The following XDH variants were observed in gnomAD, a reference collection of about 807,000 sequenced individuals.
XDH encodes xanthine dehydrogenase.
A neutral mutation model predicts 156.1 loss-of-function variants in XDH; 138 were observed. The ratio of observed to expected loss-of-function variants is 0.88; its 90% CI spans 0.77 to 1.02. The LOEUF (loss-of-function observed/expected upper bound fraction) is 1.02. XDH is among the 50% of genes least tolerant of loss of function. The probability of loss-of-function intolerance (pLI) is 0.00; values close to 1 mark genes in which losing one functional copy is unlikely to be tolerated. For synonymous variants in XDH, 669 were observed against 625.7 expected (o/e 1.07, Z -1.03); for missense variants, 1,849 against 1,684.9 (o/e 1.10, Z -1.71).
chr2:31,388,152 A>T, intron 7 of XDH, 75 bp downstream of exon 7: 1 of 1,525,294 alleles, frequency 6.6e-7, no homozygotes, highest in Non-Finnish European at 9.1e-7. Context: ...ACCGCCAGGG[A>T]CATGGAGCTC....
chr2:31,338,535 T>C (rs1302239795), intron 34 of XDH, among the ~76,000 whole-genome samples: 1 of 152,124 alleles, frequency 6.6e-6, no homozygotes, highest in Non-Finnish European at 1.5e-5. Context: ...CCACCCACTA[T>C]GGTAAAGTAA....
At chr2:31,404,649 C>G (rs1572570931) in intron 2 of XDH, among the ~76,000 whole-genome samples, 1 of 152,198 alleles carries the variant, frequency 6.6e-6, no homozygotes, top group South Asian at 2.1e-4. Flanking sequence ...TCAATAATCT[C>G]TGAGAATGAG....
Position 31,366,073 on chromosome 2 carries a change from G to A in XDH, c.2359C>T (p.Arg787Trp), listed in dbSNP as rs148904866. ...ATTCTCTTCACTCGAACCACAATCC[G>A]GTTTGCTGGAACCCCCAACATTTTT... ...VAKMLGVPAN[R>W]IVVRVKRMGG... Residue 787 changes from arginine (R) to tryptophan (W), a missense_variant, in exon 22 of 36, where the codon CGG (arginine) becomes TGG (tryptophan). Arg to Trp is a moderately radical substitution (Grantham distance 101). Transcript: ENST00000379416. 5.5e-5 allele frequency: 88 copies of A among 1,614,118 alleles called. 1 individual carries two copies. Among genetic ancestry groups the A allele is most frequent in the East Asian group, 4.0e-4 (18 of 44,868 alleles).
Position 31,401,234 on chromosome 2 carries a change from GCCT to G in XDH, c.289_291del (p.Arg97del). 2 of 1,614,200 alleles carry G rather than the reference GCCT, an allele frequency of 1.2e-6. No individual in the cohort carries two copies. The highest frequency in any genetic ancestry group is 2.2e-5 in the South Asian group (2 of 91,076). On this transcript the variant is annotated inframe_deletion, in exon 4 of 36. Coordinates refer to ENST00000379416, the MANE Select transcript of XDH (RefSeq NM_000379.4). ...CCTCTGTTTACCTGCACAGGATGCA[GCCT>G]CGTCTTGGTGCTTCCTATTCCTTCC...
chr2:31,347,424 G>A (rs1323168515), intron 29 of XDH, 98 bp downstream of exon 29: 6 of 1,574,762 alleles, frequency 3.8e-6, no homozygotes, highest in African/African-American at 2.7e-5. Flanking sequence ...GAGCCAAAGA[G>A]CCTGCAAGGA....
chr2:31,384,044 A>C lies in XDH; in HGVS notation c.794-197T>G, dbSNP rs1012641411. The C allele has an allele frequency of 4.6e-5, 28 of 604,978 alleles. No individual in the cohort carries two copies. The African/African-American group carries it at 5.2e-4, about 11-fold the overall frequency. 37.5% of individuals were successfully genotyped at this position (604,978 alleles called of 1,614,324 possible). A position where few individuals can be genotyped will look rare whatever the true frequency, so the allele number is the denominator to read the frequency against. On this transcript the variant is annotated intron_variant, in intron 9 of 35. Coordinates refer to ENST00000379416, the MANE Select transcript of XDH (RefSeq NM_000379.4). ...GATTAGATGCAGTCTTTGGACTGTC[A>C]GCCCAAAACTAGGTCTTTCTTTCCC...
In XDH at chr2:31,414,638, A is replaced by G. The variant is rs1687430676; in HGVS notation, c.29T>C (p.Val10Ala). 1 of 1,614,014 alleles carries G rather than the reference A, an allele frequency of 6.2e-7. No individual in the cohort carries two copies. Among genetic ancestry groups the G allele is most frequent in the Non-Finnish European group, 8.5e-7 (1 of 1,180,004 alleles). MTADKLVFF[V>A]NGRKVVEKNA... ...GCTCCTACTTACCTTTCTGCCATTC[A>G]CAAAGAAAACCAATTTGTCTGCTGT... The change falls in exon 1 of 36, where the codon GTG becomes GCG. Residue 10 changes from valine (V) to alanine (A), a missense_variant. Physicochemically the swap from Val to Ala is moderately conservative, Grantham distance 64. Coordinates refer to ENST00000379416, the MANE Select transcript of XDH (RefSeq NM_000379.4).
intron 14 of XDH, among the ~76,000 whole-genome samples, chr2:31,376,822 T>C (rs2148775912): frequency 6.7e-6 from 1 of 150,242 alleles, no homozygotes; most frequent in Middle Eastern, 3.6e-3. Context: ...AGCATAGCAG[T>C]GGCAATACTC....
At chr2:31,372,528 G>A (rs45622236) in intron 16 of XDH, 131 bp from the exon 17 acceptor site, 9 of 1,243,678 alleles carry the variant, frequency 7.2e-6, no homozygotes, top group Non-Finnish European at 1.0e-5. Context: ...AATTCAGAGG[G>A]GCGTGGGGCA....
Position 31,373,929 on chromosome 2 carries a change from C to T in XDH, c.1630G>A (p.Ala544Thr), listed in dbSNP as rs750230700. 25 of 1,613,678 alleles carry T rather than the reference C, an allele frequency of 1.5e-5. No individual in the cohort carries two copies. The South Asian group carries it at 2.2e-4, about 14-fold the overall frequency. Residue 544 changes from alanine to threonine, a missense_variant, in exon 16 of 36, where the codon GCC becomes ACC. By Grantham distance (58) the Ala-to-Thr change is moderately conservative. Coordinates refer to ENST00000379416, the MANE Select transcript of XDH (RefSeq NM_000379.4). ...DKCGKLDPTF[A>T]SATLLFQKDP... The stretch of plus-strand genomic sequence containing the variant: ...TTCTGAAACAGTAAAGTTGCACTGG[C>T]GAAAGTGGGGTCCAGTTTACCACAC...
At chr2:31,376,455 C>CAGT (rs45582035) in intron 14 of XDH, among the ~76,000 whole-genome samples, 16 of 148,916 alleles carry the variant, frequency 1.1e-4, no homozygotes, top group African/African-American at 2.7e-4. Context: ...GTAGCAGTAA[C>CAGT]AGTAGTAGTA....
At chr2:31,347,754 C>G in intron 28 of XDH, 104 bp from the exon 29 acceptor site, 1 of 1,464,780 alleles carries the variant, frequency 6.8e-7, no homozygotes, top group East Asian at 2.3e-5. Context: ...GGCAAGAAAA[C>G]AATTTCGTAA....
chr2:31,366,738 G>A, intron 21 of XDH, 132 bp downstream of exon 21: 1 of 1,415,846 alleles, frequency 7.1e-7, no homozygotes, highest in South Asian at 1.2e-5. Flanking sequence ...TCTGGCTCCA[G>A]GACTATGACA....
Position 31,339,683 on chromosome 2 carries a change from G to C in XDH, c.3586-6C>G. 1 of 1,613,918 alleles carries C rather than the reference G, an allele frequency of 6.2e-7. No individual in the cohort carries two copies. Among genetic ancestry groups the C allele is most frequent in the South Asian group, 1.1e-5 (1 of 90,990 alleles). ...TGGACAAATGCCCCTTCCACCTGCA[G>C]GATGGATGGAGAGCACAGTTAGCCT... is the stretch of plus-strand genomic sequence containing the variant. On this transcript the variant is annotated splice_region_variant and splice_polypyrimidine_tract_variant and intron_variant, in intron 33 of 35. Coordinates refer to ENST00000379416, the MANE Select transcript of XDH (RefSeq NM_000379.4).
chr2:31,407,204 C>CCCT (rs1223286232), intron 1 of XDH, among the ~76,000 whole-genome samples: 3 of 152,190 alleles, frequency 2.0e-5, no homozygotes, highest in Admixed American at 2.0e-4. Flanking sequence ...AAAAATCTAA[C>CCCT]ATGCCACCTT....
intron 32 of XDH, among the ~76,000 whole-genome samples, chr2:31,341,682 G>C (rs574970561): frequency 7.4e-4 from 112 of 152,192 alleles, no homozygotes; most frequent in Non-Finnish European, 1.2e-3. Context: ...GTCAGATAGG[G>C]TCCCAGAAAC....
chr2:31,371,658 G>A (rs11900892), intron 17 of XDH, among the ~76,000 whole-genome samples: 26,490 of 152,078 alleles, frequency 0.17, 5,254 homozygotes, highest in African/African-American at 0.5. Flanking sequence ...TGCCAACCAT[G>A]GGAACTTAAA....
intron 11 of XDH, among the ~76,000 whole-genome samples, chr2:31,382,701 A>G (rs1336354750): frequency 6.6e-6 from 1 of 152,196 alleles, no homozygotes; most frequent in Non-Finnish European, 1.5e-5. Context: ...GGAGGCAGGA[A>G]GCCTCATCTC....
chr2:31,383,950 C>T (rs1686512297), intron 9 of XDH, 103 bp from the exon 10 acceptor site: 1 of 1,014,404 alleles, frequency 9.9e-7, no homozygotes, highest in African/African-American at 1.6e-5. Flanking sequence ...ATGACATATC[C>T]ACAATCATAA....
Sources: allele counts gnomAD v4.1 joint callset (sites outside exome capture counted in the v4.1 genomes callset), GRCh38; gene constraint gnomAD v4.1.1; transcripts MANE v1.5; gene names NCBI Gene and HGNC (gene_info 2026-07-23, HGNC 2026-07-21).